The following VPS13A variants were observed in gnomAD, a reference collection of about 807,000 sequenced individuals.
The protein encoded by VPS13A is vacuolar protein sorting 13 homolog A.
VPS13A carries 264 observed loss-of-function variants against 390.9 expected under a neutral mutation model. That is an observed-to-expected ratio of 0.68 (90% CI 0.61 to 0.75). The LOEUF is 0.75. Among genes scored for constraint, VPS13A ranks in the 30% least tolerant of loss-of-function variants. The probability of loss-of-function intolerance (pLI) is 0.00; values close to 1 mark genes in which losing one functional copy is unlikely to be tolerated. For missense variants in VPS13A, 3,409 were observed against 3,733.9 expected (o/e 0.91, Z 2.27); for synonymous variants, 1,231 against 1,227.1 (o/e 1.00, Z -0.07).
chr9:77,193,500 G>C (rs367756959), intron 1 of VPS13A, among the ~76,000 whole-genome samples: 2 of 152,254 alleles, frequency 1.3e-5, no homozygotes, highest in South Asian at 4.1e-4. Context: ...TGGGTGTGGT[G>C]GTGGGCACCT....
chr9:77,340,129 T>G (rs1830734935), intron 48 of VPS13A, 49 bp from the exon 49 acceptor site: 1 of 1,551,822 alleles, frequency 6.4e-7, no homozygotes, highest in Non-Finnish European at 8.9e-7. Context: ...TAAGCAGGAA[T>G]TTTTAAAGGT....
chr9:77,333,886 G>A (rs892246983), intron 46 of VPS13A, among the ~76,000 whole-genome samples: 4 of 151,730 alleles, frequency 2.6e-5, no homozygotes, highest in African/African-American at 9.7e-5. Flanking sequence ...GTTTTCTGTG[G>A]GTGAGACACT....
At chr9:77,245,089 T>G (rs1004482182) in intron 19 of VPS13A, among the ~76,000 whole-genome samples, 1 of 152,118 alleles carries the variant, frequency 6.6e-6, no homozygotes, top group Non-Finnish European at 1.5e-5. Flanking sequence ...GAAAGTCATA[T>G]TAAGCAGTTA....
intron 50 of VPS13A, 136 bp downstream of exon 50, chr9:77,340,686 A>T (rs938244909): frequency 1.9e-6 from 2 of 1,073,646 alleles, no homozygotes; most frequent in Non-Finnish European, 2.7e-6. Context: ...TCTTTATTGA[A>T]TATTTGTGCC....
At chr9:77,283,029 G>C (rs963298861) in intron 29 of VPS13A, among the ~76,000 whole-genome samples, 1 of 151,842 alleles carries the variant, frequency 6.6e-6, no homozygotes, top group African/African-American at 2.4e-5. Context: ...GCAGTGAAAA[G>C]TTGCAATTTT....
chr9:77,238,548 G>A (rs1824283929), intron 19 of VPS13A, among the ~76,000 whole-genome samples, 162 bp downstream of exon 19: 1 of 152,156 alleles, frequency 6.6e-6, no homozygotes, highest in African/African-American at 2.4e-5. Context: ...TTTAAAGGCA[G>A]ATAAAACCAT....
chr9:77,306,910 A>AT (rs199833366), intron 34 of VPS13A, among the ~76,000 whole-genome samples: 19,609 of 129,840 alleles, frequency 0.15, 1,565 homozygotes, highest in Middle Eastern at 0.17. Flanking sequence ...TTGGCTCTTT[A>AT]TTTTTTTTTT....
chr9:77,319,598 T>G lies in VPS13A; in HGVS notation c.5340T>G (p.Gly1780=), dbSNP rs745891519. 1.7e-5 allele frequency: 28 copies of G among 1,610,358 alleles called. No individual in the cohort carries two copies. Among genetic ancestry groups the G allele is most frequent in the Non-Finnish European group, 2.2e-5 (26 of 1,177,178 alleles). Residue 1780 remains glycine, a synonymous_variant, in exon 42 of 72, where the codon GGT becomes GGG. Transcript: ENST00000360280. ...TGCATTATTATAATGAAATGTTTGG[T>G]GTATGGGAGCCTTTGCTTGAACCCT... is the stretch of plus-strand genomic sequence containing the variant. ...LEVHYYNEMF[G]VWEPLLEPLE...
intron 1 of VPS13A, among the ~76,000 whole-genome samples, chr9:77,196,309 C>T (rs1383915795): frequency 6.6e-6 from 1 of 152,142 alleles, no homozygotes; most frequent in African/African-American, 2.4e-5. Context: ...TCACCTTATA[C>T]ATTCATCATT....
At chr9:77,307,758 A>G (rs1487583726) in intron 34 of VPS13A, among the ~76,000 whole-genome samples, 187 bp from the exon 35 acceptor site, 1 of 152,206 alleles carries the variant, frequency 6.6e-6, no homozygotes, top group Non-Finnish European at 1.5e-5. Flanking sequence ...TTAGTTCTAT[A>G]TTTCACAAGC....
At position 77,340,232 on chromosome 9, in the gene VPS13A, G is replaced by A. The variant is rs1247708553; in HGVS notation, c.6829G>A (p.Val2277Ile). ...ELSNQFSIDT[V>I]GSHGAVKCKG... ...GTCCAATCAGTTTTCAATTGATACT[G>A]TTGGTAGTCATGGAGCTGTTAAATG... The change falls in exon 49 of 72, where the codon GTT becomes ATT. Residue 2277 changes from valine to isoleucine, a missense_variant. Val to Ile is a conservative substitution (Grantham distance 29). Coordinates refer to ENST00000360280, the MANE Select transcript of VPS13A (RefSeq NM_033305.3). 2 of 1,613,326 alleles carry A rather than the reference G, an allele frequency of 1.2e-6. No individual in the cohort carries two copies. The highest frequency in any genetic ancestry group is 1.7e-6 in the Non-Finnish European group (2 of 1,179,626).
chr9:77,378,183 G>C (rs1379819945), intron 67 of VPS13A, among the ~76,000 whole-genome samples: 1 of 152,078 alleles, frequency 6.6e-6, no homozygotes, highest in Admixed American at 6.5e-5. Context: ...AATGATTTAG[G>C]AAGTGTTCCC....
Position 77,340,165 on chromosome 9 carries a change from AT to A in VPS13A, c.6775-6del. On this transcript the variant is annotated splice_polypyrimidine_tract_variant and intron_variant, in intron 48 of 71. Transcript: ENST00000360280. ...ACCTAAATTGTGATGTATTTGGAAT[AT>A]TTTTTTCCTAGGTTCAACTTATGGT... 6.2e-7 allele frequency: 1 copy of A among 1,608,464 alleles called. No homozygotes were observed. The highest frequency in any genetic ancestry group is 8.5e-7 in the Non-Finnish European group (1 of 1,175,786).
At chr9:77,246,935 C>G (rs1292695309) in intron 19 of VPS13A, among the ~76,000 whole-genome samples, 4 of 151,910 alleles carry the variant, frequency 2.6e-5, no homozygotes, top group African/African-American at 9.7e-5. Flanking sequence ...TATGTAGATT[C>G]TAAGAGTTGT....
At chr9:77,216,089 C>T (rs1261261676) in intron 10 of VPS13A, among the ~76,000 whole-genome samples, 1 of 152,178 alleles carries the variant, frequency 6.6e-6, no homozygotes. Flanking sequence ...ATACTGGAAC[C>T]AGGCAGCATA....
At chr9:77,410,116 C>A (rs1385980288) in intron 71 of VPS13A, among the ~76,000 whole-genome samples, 2 of 152,162 alleles carry the variant, frequency 1.3e-5, no homozygotes, top group Non-Finnish European at 2.9e-5. Flanking sequence ...ACTCTACAAG[C>A]CAGAAGAGAG....
chr9:77,410,831 A>G (rs1290482921), intron 71 of VPS13A, among the ~76,000 whole-genome samples: 1 of 152,234 alleles, frequency 6.6e-6, no homozygotes, highest in African/African-American at 2.4e-5. Flanking sequence ...TTAGACTCCC[A>G]CACAATAATA....
At chr9:77,203,587 C>A (rs1438378703) in intron 3 of VPS13A, among the ~76,000 whole-genome samples, 1 of 152,060 alleles carries the variant, frequency 6.6e-6, no homozygotes, top group Non-Finnish European at 1.5e-5. Flanking sequence ...TGCGCCTGGT[C>A]AAGTTTGGAT....
intron 24 of VPS13A, among the ~76,000 whole-genome samples, chr9:77,274,617 A>G (rs1385887064): frequency 6.6e-6 from 1 of 152,034 alleles, no homozygotes; most frequent in Admixed American, 6.6e-5. Flanking sequence ...AAAATCATCA[A>G]TAATTATCTA....
Sources: gnomAD v4.1 joint callset for allele counts (sites outside exome capture counted in the v4.1 genomes callset) on GRCh38, gnomAD v4.1.1 for gene constraint, MANE v1.5 for transcripts, NCBI Gene and HGNC (gene_info 2026-07-23, HGNC 2026-07-21) for gene names.